The following PREX1 variants were observed in gnomAD, a reference collection of about 807,000 sequenced individuals.
PREX1 encodes phosphatidylinositol-3,4,5-trisphosphate dependent Rac exchange factor 1, also known as phosphatidylinositol 3,4,5-trisphosphate-dependent Rac exchanger 1 protein.
PREX1 carries 41 observed loss-of-function variants against 198.3 expected under a neutral mutation model. That is an observed-to-expected ratio of 0.21 (90% confidence interval 0.16 to 0.27). The LOEUF (loss-of-function observed/expected upper bound fraction) is 0.27, where lower values mean the gene tolerates loss of function less well. Ranked by LOEUF, PREX1 falls within the 10% of genes least tolerant of loss-of-function variation. The pLI is 1.00. For synonymous variants in PREX1, 843 were observed against 887.2 expected (o/e 0.95, Z 0.89); for missense variants, 1,620 against 2,200.7 (o/e 0.74, Z 5.28).
At chr20:48,785,867 G>A (rs2090309811) in intron 1 of PREX1, among the ~76,000 whole-genome samples, 1 of 152,202 alleles carries the variant, frequency 6.6e-6, no homozygotes, top group Admixed American at 6.5e-5. Flanking sequence ...CGGTGGAGAC[G>A]GAGGGCACAG....
Position 48,646,025 on chromosome 20 carries a change from C to T in PREX1, c.3338G>A (p.Gly1113Asp), listed in dbSNP as rs1368959457. 1 of 1,614,092 alleles carries T rather than the reference C, an allele frequency of 6.2e-7. No individual in the cohort carries two copies. The highest frequency in any genetic ancestry group is 2.2e-5 in the East Asian group (1 of 44,872). ...AGCCAAGGATGCGTCGCAGGACCCA[C>T]CCGAGGTGGGCTCTGTGATGGTGGA... ...LLSTITEPTS[G>D]GSCDASLAEE... Residue 1113 changes from glycine (G) to aspartate (D), a missense_variant, in exon 26 of 40, where the codon GGT (glycine) becomes GAT (aspartate). Physicochemically the swap from Gly to Asp is moderately conservative, Grantham distance 94. Around this residue, in one of 7 missense-constraint regions of PREX1, gnomAD observed 514 missense variants for 611.6 expected, o/e 0.84. Coordinates refer to ENST00000371941, the MANE Select transcript of PREX1 (RefSeq NM_020820.4).
chr20:48,701,051 CT>C (rs1377317239), intron 6 of PREX1, among the ~76,000 whole-genome samples, 165 bp from the exon 7 acceptor site: 2 of 152,160 alleles, frequency 1.3e-5, no homozygotes, highest in Admixed American at 1.3e-4. Context: ...CTTCTATCTG[CT>C]GAGCATGCCA....
At chr20:48,653,264 G>A in intron 20 of PREX1, 97 bp downstream of exon 20, 1 of 1,519,786 alleles carries the variant, frequency 6.6e-7, no homozygotes, top group Non-Finnish European at 8.9e-7. Flanking sequence ...ACAACCAGTG[G>A]TACATGCAGG....
At chr20:48,752,948 T>A (rs917281719) in intron 1 of PREX1, among the ~76,000 whole-genome samples, 1 of 152,228 alleles carries the variant, frequency 6.6e-6, no homozygotes, top group Non-Finnish European at 1.5e-5. Flanking sequence ...TGTAAGTTCT[T>A]TCAGCTGTAT....
intron 1 of PREX1, among the ~76,000 whole-genome samples, chr20:48,788,728 G>C (rs1394338703): frequency 2.0e-5 from 3 of 152,194 alleles, no homozygotes. Flanking sequence ...AAGATTCAGA[G>C]GTGGGGCCTG....
chr20:48,850,486 G>GAGGGACAGGGAC, the PREX1 span, among the ~76,000 whole-genome samples: 1 of 152,176 alleles, frequency 6.6e-6, no homozygotes, highest in African/African-American at 2.4e-5. Flanking sequence ...GCCAGCTTCA[G>GAGGGACAGGGAC]AGGGACAGGG....
At chr20:48,735,593 G>A (rs890263831) in intron 3 of PREX1, among the ~76,000 whole-genome samples, 2 of 151,854 alleles carry the variant, frequency 1.3e-5, no homozygotes, top group East Asian at 1.9e-4. Context: ...TACATACCCA[G>A]CACATAGTAC....
At chr20:48,829,531 A>C (rs2090530866), upstream of PREX1, among the ~76,000 whole-genome samples, 1 of 152,136 alleles carries the variant, frequency 6.6e-6, no homozygotes, top group South Asian at 2.1e-4. Context: ...CCTTGGGCTG[A>C]GTGAAGTTCC....
chr20:48,851,748 C>A, the PREX1 span, among the ~76,000 whole-genome samples: 1 of 152,162 alleles, frequency 6.6e-6, no homozygotes, highest in African/African-American at 2.4e-5. Flanking sequence ...GGCTTCAATC[C>A]CCCAGCATGG....
At chr20:48,880,473 T>A in the PREX1 span, among the ~76,000 whole-genome samples, 1 of 152,202 alleles carries the variant, frequency 6.6e-6, no homozygotes, top group South Asian at 2.1e-4. Context: ...CCTGCCTCAC[T>A]ATCCTTAGAA....
chr20:48,815,903 G>A (rs376850274), intron 1 of PREX1, among the ~76,000 whole-genome samples: 8 of 152,210 alleles, frequency 5.3e-5, no homozygotes, highest in African/African-American at 7.2e-5. Flanking sequence ...CCCGCTACTC[G>A]GGAGGCTGAG....
chr20:48,629,701 C>G (rs2089299207), intron 36 of PREX1, 80 bp from the exon 37 acceptor site: 2 of 1,450,148 alleles, frequency 1.4e-6, no homozygotes, highest in Non-Finnish European at 9.6e-7. Context: ...CCTCCTCCCC[C>G]ACCATATCCT....
the PREX1 span, among the ~76,000 whole-genome samples, chr20:48,853,304 G>A: frequency 6.6e-6 from 1 of 152,152 alleles, no homozygotes; most frequent in South Asian, 2.1e-4. Flanking sequence ...ACCCAAGACT[G>A]GGTAATTTAT....
At chr20:48,735,051 G>A (rs1170722047) in intron 3 of PREX1, among the ~76,000 whole-genome samples, 11 of 152,142 alleles carry the variant, frequency 7.2e-5, no homozygotes, top group African/African-American at 4.8e-5. Flanking sequence ...ATAGCTGGGG[G>A]CTAGCTCTGT....
At chr20:48,826,874 T>A (rs2090511435) in intron 1 of PREX1, among the ~76,000 whole-genome samples, 1 of 152,280 alleles carries the variant, frequency 6.6e-6, no homozygotes, top group Non-Finnish European at 1.5e-5. Context: ...AAAATTTTTT[T>A]AATTAAAAAT....
At chr20:48,737,880 G>A (rs746937430) in intron 3 of PREX1, among the ~76,000 whole-genome samples, 7 of 152,142 alleles carry the variant, frequency 4.6e-5, no homozygotes, top group East Asian at 3.9e-4. Flanking sequence ...ATCATCATAC[G>A]GAGTCCTGGA....
At chr20:48,646,193 G>C (rs537052120) in intron 25 of PREX1, 136 bp from the exon 26 acceptor site, 7 of 828,736 alleles carry the variant, frequency 8.4e-6, no homozygotes, top group Non-Finnish European at 1.3e-5. Context: ...GTTCTTTCAC[G>C]GCCAAGCTAC....
chr20:48,754,522 A>G (rs2090148329), intron 1 of PREX1, among the ~76,000 whole-genome samples: 1 of 152,024 alleles, frequency 6.6e-6, no homozygotes, highest in Admixed American at 6.5e-5. Flanking sequence ...CTGGAGATAA[A>G]AAGGACAGAA....
At chr20:48,804,601 A>C (rs897032709) in intron 1 of PREX1, among the ~76,000 whole-genome samples, 2 of 152,210 alleles carry the variant, frequency 1.3e-5, no homozygotes, top group Non-Finnish European at 2.9e-5. Context: ...GCGGGGGCTC[A>C]GATAGGACGA....
Sources: allele counts gnomAD v4.1 joint callset (sites outside exome capture counted in the v4.1 genomes callset), GRCh38; gene constraint gnomAD v4.1.1; regional missense constraint gnomAD v4.1.1; transcripts MANE v1.5; gene names NCBI Gene and HGNC (gene_info 2026-07-23, HGNC 2026-07-21).